The following KCTD1 variants were observed in gnomAD, a reference collection of about 807,000 sequenced individuals.
The protein encoded by KCTD1 is potassium channel tetramerization domain containing 1.
Under a neutral mutation model 66.0 loss-of-function variants are expected in KCTD1, and 24 were observed. That is an observed-to-expected ratio of 0.36 (90% CI 0.26 to 0.51). KCTD1 has a LOEUF of 0.51. KCTD1 is among the 20% of genes least tolerant of loss of function. KCTD1 has a pLI of 0.95. For missense variants in KCTD1, 943 were observed against 1,205.2 expected (o/e 0.78, Z 3.22); for synonymous variants, 511 against 517.2 (o/e 0.99, Z 0.16).
intron 1 of KCTD1, among the ~76,000 whole-genome samples, chr18:26,636,647 C>A (rs370886767): frequency 2.0e-5 from 3 of 152,216 alleles, no homozygotes; most frequent in African/African-American, 7.2e-5. Context: ...AATACCTGAG[C>A]GTTGGGGTCA....
At chr18:26,649,204 C>T (rs1425951448) in intron 1 of KCTD1, among the ~76,000 whole-genome samples, 1 of 152,220 alleles carries the variant, frequency 6.6e-6, no homozygotes, top group Non-Finnish European at 1.5e-5. Context: ...GGGTTATTAT[C>T]TTTACTAGTA....
At chr18:26,534,816 T>C (rs1314727742) in intron 1 of KCTD1, among the ~76,000 whole-genome samples, 4 of 152,190 alleles carry the variant, frequency 2.6e-5, no homozygotes, top group Non-Finnish European at 4.4e-5. Context: ...TCCAAACTGA[T>C]GTACCTCTTT....
chr18:26,612,454 A>T (rs1486342505), intron 1 of KCTD1, among the ~76,000 whole-genome samples: 2 of 152,158 alleles, frequency 1.3e-5, no homozygotes, highest in Non-Finnish European at 2.9e-5. Flanking sequence ...ATGGGTCCTA[A>T]TCCAATAGGA....
At chr18:26,579,032 T>C (rs1195644417) in intron 1 of KCTD1, among the ~76,000 whole-genome samples, 1 of 152,096 alleles carries the variant, frequency 6.6e-6, no homozygotes, top group Non-Finnish European at 1.5e-5. Context: ...CAGGATGTGT[T>C]TTTACCTGTT....
At chr18:26,528,406 A>G (rs1984273803) in intron 1 of KCTD1, among the ~76,000 whole-genome samples, 3 of 152,178 alleles carry the variant, frequency 2.0e-5, no homozygotes, top group African/African-American at 4.8e-5. Flanking sequence ...TAATAAAACA[A>G]TCTAAAGCCA....
intron 1 of KCTD1, among the ~76,000 whole-genome samples, chr18:26,598,423 T>C (rs928161499): frequency 6.6e-6 from 1 of 152,052 alleles, no homozygotes; most frequent in African/African-American, 2.4e-5. Context: ...GGAATGAACA[T>C]TCATGTATAA....
intron 1 of KCTD1, among the ~76,000 whole-genome samples, chr18:26,572,726 C>T (rs1278385309): frequency 6.6e-6 from 1 of 152,130 alleles, no homozygotes; most frequent in East Asian, 1.9e-4. Flanking sequence ...GAACTGCCCC[C>T]CATGGTGGTA....
chr18:26,600,393 C>T lies in KCTD1; in HGVS notation c.-16+28754G>A, dbSNP rs537450900. 10 of 917,908 alleles carry T rather than the reference C, an allele frequency of 1.1e-5. No homozygotes were observed. The African/African-American group carries it at 1.6e-4, about 15-fold the overall frequency. The allele number at this position is 917,908 out of a possible 1,614,324, so 56.9% of individuals were successfully genotyped here. ...GCTCCTCCAGCCAACTCCTGTCCCT[C>T]AAATCCCACCACGGTGTCTCCTCCC... On this transcript the variant is annotated intron_variant, in intron 1 of 4. Transcript: ENST00000317932.
chr18:26,518,857 TC>T (rs1983786167), intron 1 of KCTD1, among the ~76,000 whole-genome samples: 1 of 152,180 alleles, frequency 6.6e-6, no homozygotes. Context: ...TATCTCCTTA[TC>T]CCCTCTGTTT....
intron 1 of KCTD1, among the ~76,000 whole-genome samples, chr18:26,608,566 A>G (rs1987067062): frequency 6.6e-6 from 1 of 152,136 alleles, no homozygotes; most frequent in Middle Eastern, 3.2e-3. Context: ...AGCAGTCCAT[A>G]TGGGGCAGGG....
chr18:26,590,992 T>C (rs532137780), intron 1 of KCTD1, among the ~76,000 whole-genome samples: 2 of 152,246 alleles, frequency 1.3e-5, no homozygotes, highest in South Asian at 2.1e-4. Context: ...CTAAGGAGAA[T>C]ATGAAGATCA....
chr18:26,512,262 C>T lies in KCTD1; in HGVS notation c.1810-11012G>A, dbSNP rs111495977. Reference sequence around the variant, plus strand: ...GGGACTACAGGCGCACACTGCCACACCCAGCTAATTTTTTTATTTTAGTAG... The same window carrying T: ...GGGACTACAGGCGCACACTGCCACATCCAGCTAATTTTTTTATTTTAGTAG... On this transcript the variant is annotated intron_variant, in intron 1 of 4. Transcript: ENST00000580059. Among the ~76,000 whole-genome samples the T allele has an allele frequency of 2.9e-3, 440 of 152,048 alleles. 1 individual carries two copies. The highest frequency in any genetic ancestry group is 6.8e-3 in the Middle Eastern group (2 of 294).
chr18:26,650,519 A>G (rs58584657), intron 1 of KCTD1, among the ~76,000 whole-genome samples: 18,503 of 152,260 alleles, frequency 0.12, 2,691 homozygotes, highest in African/African-American at 0.35. Flanking sequence ...GACTATTATT[A>G]TCTCCTTTAC....
chr18:26,626,469 GATT>G, intron 1 of KCTD1, among the ~76,000 whole-genome samples: 1 of 112,478 alleles, frequency 8.9e-6, no homozygotes, highest in Non-Finnish European at 1.7e-5. Context: ...CTGAGGAGGT[GATT>G]TTTTTTTTTT....
chr18:26,506,903 C>T (rs1047158933), intron 1 of KCTD1, among the ~76,000 whole-genome samples: 2 of 152,148 alleles, frequency 1.3e-5, no homozygotes, highest in Admixed American at 6.5e-5. Context: ...TGGTGGCTCA[C>T]GCCTGTAATT....
intron 1 of KCTD1, among the ~76,000 whole-genome samples, chr18:26,604,074 G>A (rs474916): frequency 0.97 from 147,584 of 152,162 alleles, 71,734 homozygotes; most frequent in East Asian, 1. Flanking sequence ...GAAACAAACA[G>A]ACAACCCCAT....
chr18:26,510,052 T>A (rs1983256427), intron 1 of KCTD1, among the ~76,000 whole-genome samples: 1 of 152,168 alleles, frequency 6.6e-6, no homozygotes, highest in Non-Finnish European at 1.5e-5. Context: ...AAAAGTGAAA[T>A]TTGACAAGCC....
chr18:26,470,276 C>T (rs1371051199), intron 3 of KCTD1, among the ~76,000 whole-genome samples: 3 of 15,050 alleles, frequency 2.0e-4, no homozygotes, highest in East Asian at 2.5e-3. Flanking sequence ...TAAAAATAAG[C>T]GAAGAAAAAA....
At chr18:26,599,429 T>C (rs976069010) in intron 1 of KCTD1, 310 of 1,611,888 alleles carry the variant, frequency 1.9e-4, no homozygotes, top group Non-Finnish European at 2.5e-4. Context: ...GGATCTCTGC[T>C]GGCCAGTTTG....
Sources: allele counts gnomAD v4.1 joint callset (sites outside exome capture counted in the v4.1 genomes callset), GRCh38; gene constraint gnomAD v4.1.1; transcripts MANE v1.5; gene names NCBI Gene and HGNC (gene_info 2026-07-23, HGNC 2026-07-21).